The following STARD13 variants were observed in gnomAD, a reference collection of about 807,000 sequenced individuals.
STARD13 encodes the protein StAR related lipid transfer domain containing 13.
STARD13 carries 62 observed loss-of-function variants against 106.4 expected under a neutral mutation model. That is an observed-to-expected ratio of 0.58 (90% CI 0.48 to 0.72). STARD13 has a LOEUF of 0.72. Ranked by LOEUF, STARD13 falls within the 30% of genes least tolerant of loss-of-function variation. STARD13 has a pLI of 0.00. For missense variants in STARD13, 1,387 were observed against 1,424.0 expected (o/e 0.97, Z 0.42); for synonymous variants, 565 against 553.0 (o/e 1.02, Z -0.31).
At chr13:33,609,382 A>G in the STARD13 span, among the ~76,000 whole-genome samples, 1 of 152,146 alleles carries the variant, frequency 6.6e-6, no homozygotes, top group Non-Finnish European at 1.5e-5. Flanking sequence ...TCAAGCGGCC[A>G]GGTACCACTT....
the STARD13 span, among the ~76,000 whole-genome samples, chr13:33,410,990 C>A: frequency 6.6e-6 from 1 of 152,164 alleles, no homozygotes; most frequent in East Asian, 1.9e-4. Context: ...TCCATGCAAA[C>A]TTTTAGGCTT....
At chr13:33,469,688 T>C in the STARD13 span, among the ~76,000 whole-genome samples, 129 of 151,762 alleles carry the variant, frequency 8.5e-4, 1 homozygote, top group African/African-American at 3.1e-3. Flanking sequence ...ATGGTGAGAG[T>C]AGACATTATT....
At chr13:33,158,541 C>G (rs1320138215) in intron 3 of STARD13, 1 of 152,238 alleles carries the variant, frequency 6.6e-6, no homozygotes, top group Non-Finnish European at 1.5e-5. Context: ...CTCAGCATTT[C>G]AAATACATAC....
the STARD13 span, among the ~76,000 whole-genome samples, chr13:33,670,281 A>G: frequency 6.6e-6 from 1 of 152,218 alleles, no homozygotes; most frequent in African/African-American, 2.4e-5. Flanking sequence ...GACATTTTGA[A>G]AATCCTTCAT....
chr13:33,256,071 A>G (rs145784788), intron 1 of STARD13, among the ~76,000 whole-genome samples: 3 of 152,366 alleles, frequency 2.0e-5, no homozygotes, highest in Non-Finnish European at 4.4e-5. Context: ...CTGAAATACT[A>G]AAGGAGCCAA....
chr13:33,632,814 C>CTT, the STARD13 span, among the ~76,000 whole-genome samples: 3,844 of 142,622 alleles, frequency 0.027, 48 homozygotes, highest in Middle Eastern at 0.043. Flanking sequence ...GTTCTATATT[C>CTT]TTTTTTTTTT....
intron 1 of STARD13, among the ~76,000 whole-genome samples, chr13:33,176,210 T>A (rs1884501599): frequency 1.3e-5 from 2 of 152,238 alleles, no homozygotes; most frequent in Admixed American, 1.3e-4. Flanking sequence ...TTTCCACAGC[T>A]CAAGTATAAT....
At chr13:33,610,770 T>G in the STARD13 span, among the ~76,000 whole-genome samples, 1 of 152,330 alleles carries the variant, frequency 6.6e-6, no homozygotes, top group South Asian at 2.1e-4. Flanking sequence ...AGATCAGGAC[T>G]GAAGCAGGGA....
At chr13:33,362,135 C>T in the STARD13 span, among the ~76,000 whole-genome samples, 2 of 152,080 alleles carry the variant, frequency 1.3e-5, no homozygotes, top group Admixed American at 6.6e-5. Context: ...TTAATTAGCT[C>T]GTTGTTCTGC....
At chr13:33,444,937 G>C in the STARD13 span, among the ~76,000 whole-genome samples, 2 of 152,148 alleles carry the variant, frequency 1.3e-5, 1 homozygote, top group Middle Eastern at 6.3e-3. Context: ...TTTATGATAA[G>C]GCTGGATATA....
chr13:33,560,959 A>AT, the STARD13 span, among the ~76,000 whole-genome samples: 1 of 151,532 alleles, frequency 6.6e-6, no homozygotes, highest in South Asian at 2.1e-4. Context: ...ATGATGGCAT[A>AT]TTTTTTAAAT....
chr13:33,434,939 A>AAGGAAGGAAGGC, the STARD13 span, among the ~76,000 whole-genome samples: 1 of 150,636 alleles, frequency 6.6e-6, no homozygotes. Flanking sequence ...GGAAGGAAGG[A>AAGGAAGGAAGGC]AGGAAACTAT....
chr13:33,153,057 T>C (rs1881492414), intron 3 of STARD13, among the ~76,000 whole-genome samples: 1 of 152,152 alleles, frequency 6.6e-6, no homozygotes. Context: ...GTGATTTAGG[T>C]TATTTTGAGG....
At chr13:33,666,802 G>T in the STARD13 span, among the ~76,000 whole-genome samples, 1 of 152,114 alleles carries the variant, frequency 6.6e-6, no homozygotes, top group South Asian at 2.1e-4. Context: ...ATGTTGGCCA[G>T]GCTGGTCTCG....
chr13:33,513,812 T>C, the STARD13 span, among the ~76,000 whole-genome samples: 1 of 152,182 alleles, frequency 6.6e-6, no homozygotes, highest in African/African-American at 2.4e-5. Flanking sequence ...GTTTGTTTAA[T>C]AGCAACACAG....
At chr13:33,233,767 C>CT (rs59512606) in intron 1 of STARD13, among the ~76,000 whole-genome samples, 152,352 of 152,352 alleles carry the variant, frequency 1, 76,176 homozygotes, top group Non-Finnish European at 1. Context: ...CCCTCTGGGG[C>CT]TTAGGGTTGC....
At chr13:33,330,417 C>A (rs967459291) in intron 1 of STARD13, among the ~76,000 whole-genome samples, 5 of 151,958 alleles carry the variant, frequency 3.3e-5, no homozygotes, top group African/African-American at 9.7e-5. Context: ...TATTTTGGTC[C>A]CTTGCCCATT....
chr13:33,218,004 C>T (rs923784539), intron 1 of STARD13, among the ~76,000 whole-genome samples: 2 of 152,208 alleles, frequency 1.3e-5, no homozygotes, highest in African/African-American at 4.8e-5. Context: ...CACACACACA[C>T]ACAAATTCAC....
chr13:33,507,098 C>CACAAA, the STARD13 span, among the ~76,000 whole-genome samples: 1 of 152,138 alleles, frequency 6.6e-6, no homozygotes, highest in East Asian at 1.9e-4. Context: ...GAGACTGTCT[C>CACAAA]ATAAAATAAA....
Sources: gnomAD v4.1 joint callset for allele counts (sites outside exome capture counted in the v4.1 genomes callset) on GRCh38, gnomAD v4.1.1 for gene constraint, MANE v1.5 for transcripts, NCBI Gene and HGNC (gene_info 2026-07-23, HGNC 2026-07-21) for gene names.